Variants in MGAT4A observed in about 807,000 individuals in gnomAD.
MGAT4A encodes the protein alpha-1,3-mannosyl-glycoprotein 4-beta-N-acetylglucosaminyltransferase A.
A neutral mutation model predicts 74.1 loss-of-function variants in MGAT4A; 33 were observed. The ratio of observed to expected loss-of-function variants is 0.45; its 90% CI spans 0.34 to 0.60. MGAT4A has a LOEUF of 0.60. MGAT4A is among the 20% of genes least tolerant of loss of function. The pLI, the probability that MGAT4A is intolerant of heterozygous loss-of-function variation, is 0.02. For missense variants in MGAT4A, 479 were observed against 628.3 expected (o/e 0.76, Z 2.54); for synonymous variants, 198 against 210.4 (o/e 0.94, Z 0.51).
In MGAT4A at chr2:98,731,109, GC is replaced by G. The variant is rs1702851797; in HGVS notation, c.-298del. ...CGGAGCTGCTGTAGCCGCCGCCGCC[GC>G]TGCCGCCGCCGCTGCGGGCCGCCCC... On this transcript the variant is annotated 5_prime_UTR_variant, in exon 1 of 16. Coordinates refer to ENST00000393487, the MANE Select transcript of MGAT4A (RefSeq NM_012214.3). The surrounding 1 kb of genome is among the most constrained non-coding windows in gnomAD (Gnocchi z 4.8). The G allele has an allele frequency of 1.4e-5, 1 of 71,000 alleles. No homozygotes were observed. The highest frequency in any genetic ancestry group is 1.2e-4 in the African/African-American group (1 of 8,380). The allele number at this position is 71,000 out of a possible 1,614,324, so 4.4% of individuals were successfully genotyped here.
At chr2:98,669,050 T>C (rs1288869318) in intron 4 of MGAT4A, among the ~76,000 whole-genome samples, 1 of 152,106 alleles carries the variant, frequency 6.6e-6, no homozygotes, top group East Asian at 1.9e-4. Flanking sequence ...AGATGAGACG[T>C]TGGACTGTGG....
chr2:98,711,127 TCTA>T (rs1702512552), intron 2 of MGAT4A, among the ~76,000 whole-genome samples: 1 of 152,134 alleles, frequency 6.6e-6, no homozygotes, highest in African/African-American at 2.4e-5. Context: ...TTGCAATCTC[TCTA>T]CTAAGTCGAT....
chr2:98,668,630 G>A (rs1434775646), intron 4 of MGAT4A, among the ~76,000 whole-genome samples: 2 of 152,206 alleles, frequency 1.3e-5, no homozygotes, highest in African/African-American at 2.4e-5. Context: ...TGCGAGAAGA[G>A]GACCACCGTC....
intron 2 of MGAT4A, among the ~76,000 whole-genome samples, chr2:98,723,078 T>C (rs902374509): frequency 5.9e-5 from 9 of 152,314 alleles, no homozygotes; most frequent in African/African-American, 1.7e-4. Context: ...TTACTCTGTC[T>C]TGCACCACAG....
At chr2:98,667,971 G>C (rs182927910) in intron 4 of MGAT4A, among the ~76,000 whole-genome samples, 313 of 152,254 alleles carry the variant, frequency 2.1e-3, no homozygotes, top group African/African-American at 7.2e-3. Context: ...ACCCGCCTCG[G>C]CCTCCCAAAG....
chr2:98,658,296 AGTTTTTAT>A, intron 5 of MGAT4A, 32 bp from the exon 6 acceptor site: 1 of 1,354,474 alleles, frequency 7.4e-7, no homozygotes, highest in East Asian at 2.4e-5. Context: ...TCTATATTCA[AGTTTTTAT>A]ATTTTTATTT....
rs758710269 is a variant in MGAT4A at position 98,726,397 on chromosome 2, A to G, written c.-65T>C. 2.9e-6 allele frequency: 4 copies of G among 1,393,002 alleles called. No homozygotes were observed. The highest frequency in any genetic ancestry group is 2.0e-6 in the Non-Finnish European group (2 of 995,180). 86.3% of individuals were successfully genotyped at this position (1,393,002 alleles called of 1,614,324 possible). The stretch of plus-strand genomic sequence containing the variant: ...CAACAACCAGGACTGTTTTCTTTTT[A>G]CCCTGAAAGTCAACTGAATGCAGTA... On this transcript the variant is annotated 5_prime_UTR_variant, in exon 2 of 16. Transcript: ENST00000393487.
At chr2:98,678,676 C>T (rs770372496) in intron 2 of MGAT4A, among the ~76,000 whole-genome samples, 26 of 151,808 alleles carry the variant, frequency 1.7e-4, no homozygotes, top group Non-Finnish European at 3.7e-4. Context: ...GCTGTTAATG[C>T]CTATTATTAT....
At chr2:98,669,051 T>C (rs1701875872) in intron 4 of MGAT4A, among the ~76,000 whole-genome samples, 1 of 152,196 alleles carries the variant, frequency 6.6e-6, no homozygotes. Context: ...GATGAGACGT[T>C]GGACTGTGGA....
intron 14 of MGAT4A, among the ~76,000 whole-genome samples, chr2:98,629,108 A>T (rs1701188117): frequency 6.6e-6 from 1 of 152,232 alleles, no homozygotes; most frequent in Non-Finnish European, 1.5e-5. Context: ...CTTTTTAAAA[A>T]ATGTTCTTAG....
At chr2:98,687,738 G>A (rs940083049) in intron 2 of MGAT4A, among the ~76,000 whole-genome samples, 6 of 150,656 alleles carry the variant, frequency 4.0e-5, no homozygotes, top group African/African-American at 1.5e-4. Flanking sequence ...ATTTCTCCAT[G>A]TGAATGGTTT....
chr2:98,680,175 C>T (rs186778266), intron 2 of MGAT4A, among the ~76,000 whole-genome samples: 3 of 151,844 alleles, frequency 2.0e-5, no homozygotes, highest in African/African-American at 4.8e-5. Context: ...TCCCAAGTAG[C>T]TGGGATTACA....
chr2:98,663,841 G>T (rs139158492), intron 4 of MGAT4A, among the ~76,000 whole-genome samples: 1 of 152,328 alleles, frequency 6.6e-6, no homozygotes, highest in Non-Finnish European at 1.5e-5. Context: ...AGTGAACAGT[G>T]TAGCATCAAC....
intron 2 of MGAT4A, among the ~76,000 whole-genome samples, chr2:98,701,709 C>T (rs1206188594): frequency 2.0e-5 from 3 of 152,226 alleles, no homozygotes; most frequent in Non-Finnish European, 2.9e-5. Flanking sequence ...GCAAGAAAGG[C>T]TGCTGACCAA....
intron 2 of MGAT4A, among the ~76,000 whole-genome samples, chr2:98,719,218 G>A (rs1023351409): frequency 6.6e-6 from 1 of 152,026 alleles, no homozygotes; most frequent in African/African-American, 2.4e-5. Flanking sequence ...TTTCTTCAAA[G>A]GAATCACAAT....
chr2:98,696,601 C>T (rs1254231698), intron 2 of MGAT4A, among the ~76,000 whole-genome samples: 1 of 152,192 alleles, frequency 6.6e-6, no homozygotes, highest in Non-Finnish European at 1.5e-5. Flanking sequence ...GAAATAAGTA[C>T]CCAAGTCCAA....
chr2:98,674,457 C>T (rs942741947), intron 4 of MGAT4A, among the ~76,000 whole-genome samples: 4 of 152,160 alleles, frequency 2.6e-5, no homozygotes, highest in African/African-American at 9.7e-5. Context: ...TCTGTCCTTA[C>T]GTTGCTTCAA....
chr2:98,672,727 T>G (rs1701927870), intron 4 of MGAT4A, among the ~76,000 whole-genome samples: 1 of 152,232 alleles, frequency 6.6e-6, no homozygotes, highest in Non-Finnish European at 1.5e-5. Context: ...TCGGTCTTTC[T>G]GATCACTAAT....
chr2:98,705,113 T>C (rs1426257751), intron 2 of MGAT4A, among the ~76,000 whole-genome samples: 7 of 152,204 alleles, frequency 4.6e-5, no homozygotes, highest in Admixed American at 4.6e-4. Context: ...ATTGAGCTTC[T>C]AGATCTTAAT....
Sources: allele counts gnomAD v4.1 joint callset (sites outside exome capture counted in the v4.1 genomes callset), GRCh38; gene constraint gnomAD v4.1.1; non-coding constraint Gnocchi (gnomAD v3.1); transcripts MANE v1.5; gene names NCBI Gene and HGNC (gene_info 2026-07-23, HGNC 2026-07-21).